The following ASB5 variants were observed in gnomAD, a reference collection of about 807,000 sequenced individuals.
ASB5 encodes the protein ankyrin repeat and SOCS box protein 5.
Under a neutral mutation model 42.1 loss-of-function variants are expected in ASB5, and 45 were observed. That is an observed-to-expected ratio of 1.07 (90% CI 0.84 to 1.37). ASB5 has a LOEUF of 1.37. ASB5 is among the 40% of genes most tolerant of loss of function. The pLI, the probability that ASB5 is intolerant of heterozygous loss-of-function variation, is 0.00. For synonymous variants in ASB5, 147 were observed against 150.6 expected, an observed-to-expected ratio of 0.98 and a Z score of 0.18; for missense variants, 402 against 399.8, an observed-to-expected ratio of 1.01 and a Z score of -0.05.
chr4:176,266,446 A>C (rs908828348), intron 1 of ASB5, among the ~76,000 whole-genome samples: 1 of 152,132 alleles, frequency 6.6e-6, no homozygotes, highest in Non-Finnish European at 1.5e-5. Context: ...CTAATTAGTG[A>C]CTTATAAAGA....
rs188208124 is a variant in ASB5 at position 176,252,873 on chromosome 4, C to A, written c.196+16040G>T. Among the ~76,000 whole-genome samples the A allele has an allele frequency of 6.6e-5, 10 of 152,278 alleles. No homozygotes were observed. In the East Asian group the frequency reaches 1.9e-3, roughly 29 times the overall value. On this transcript the variant is annotated intron_variant, in intron 1 of 6. Transcript: ENST00000296525. ...AGCAAATGCCTCTGCAGTTTAAAGC[C>A]TTTTTTCTTCTCTACAAAGGAAGCA...
intron 1 of ASB5, among the ~76,000 whole-genome samples, chr4:176,266,999 T>C (rs1754370053): frequency 1.3e-5 from 2 of 152,090 alleles, no homozygotes; most frequent in Non-Finnish European, 2.9e-5. Flanking sequence ...TATTTGAAAA[T>C]ATGTACAAAA....
In ASB5 at chr4:176,216,444, G is replaced by A. The variant is rs1223103393; in HGVS notation, c.862+374C>T. On this transcript the variant is annotated intron_variant, in intron 6 of 6. Coordinates refer to ENST00000296525, the MANE Select transcript of ASB5 (RefSeq NM_080874.4). ...TGGCTCACTGCAACCTCCGCCTCCCGGGTTCAAGTGATTCTCCTTCCGCAG... is the reference window on the plus strand; with the variant it reads ...TGGCTCACTGCAACCTCCGCCTCCCAGGTTCAAGTGATTCTCCTTCCGCAG... Among the ~76,000 whole-genome samples the A allele has an allele frequency of 3.9e-5, 6 of 152,096 alleles. No individual in the cohort carries two copies. The East Asian group carries it at 5.8e-4, about 15-fold the overall frequency.
intron 1 of ASB5, among the ~76,000 whole-genome samples, chr4:176,229,248 A>T (rs1753459952): frequency 6.6e-6 from 1 of 152,186 alleles, no homozygotes; most frequent in South Asian, 2.1e-4. Context: ...GTCACTAGTT[A>T]ACAGGAAAAT....
intron 1 of ASB5, among the ~76,000 whole-genome samples, chr4:176,246,011 C>T (rs919020642): frequency 6.6e-6 from 1 of 150,860 alleles, no homozygotes; most frequent in Non-Finnish European, 1.5e-5. Flanking sequence ...CAAACCTGCA[C>T]GTTGTGCACA....
intron 1 of ASB5, among the ~76,000 whole-genome samples, chr4:176,241,132 A>G (rs1375758942): frequency 1.3e-5 from 2 of 152,194 alleles, no homozygotes; most frequent in African/African-American, 4.8e-5. Context: ...AGTATTCTTT[A>G]TAATTATAAC....
At chr4:176,227,246 A>T (rs1159066989) in intron 1 of ASB5, among the ~76,000 whole-genome samples, 1 of 152,254 alleles carries the variant, frequency 6.6e-6, no homozygotes, top group Non-Finnish European at 1.5e-5. Flanking sequence ...CAGATAGTAT[A>T]CATTGTGCTT....
chr4:176,227,620 C>T lies in ASB5; in HGVS notation c.197-2279G>A, dbSNP rs1426711878. 5.3e-5 allele frequency among the ~76,000 whole-genome samples: 8 copies of T among 152,236 alleles called. No individual in the cohort carries two copies. The East Asian group carries it at 1.5e-3, about 29-fold the overall frequency. On this transcript the variant is annotated intron_variant, in intron 1 of 6. Transcript: ENST00000296525. ...TCACCCTGATCCTTTGAGGTTGGCGCTATTATTATCTCTGTTTTCCAGGTG... is the reference window on the plus strand; with the variant it reads ...TCACCCTGATCCTTTGAGGTTGGCGTTATTATTATCTCTGTTTTCCAGGTG...
intron 1 of ASB5, 109 bp from the exon 2 acceptor site, chr4:176,225,450 G>A: frequency 2.2e-6 from 2 of 905,408 alleles, no homozygotes; most frequent in East Asian, 2.6e-5. Flanking sequence ...CACACTCAGT[G>A]TTCAACAGGG....
chr4:176,250,064 CAAAAAAAAAAA>C (rs5864368), intron 1 of ASB5, among the ~76,000 whole-genome samples: 1 of 126,786 alleles, frequency 7.9e-6, no homozygotes, highest in Admixed American at 7.8e-5. Flanking sequence ...GACTCCATCT[CAAAAAAAAAAA>C]AAAAAAGAAA....
upstream of ASB5, among the ~76,000 whole-genome samples, chr4:176,271,221 CCT>C (rs1754463321): frequency 6.6e-6 from 1 of 152,030 alleles, no homozygotes; most frequent in Non-Finnish European, 1.5e-5. Flanking sequence ...CAAATTTCAC[CCT>C]CTCTGAGTCT....
chr4:176,271,788 T>C (rs982275293), upstream of ASB5, among the ~76,000 whole-genome samples: 2 of 152,260 alleles, frequency 1.3e-5, no homozygotes, highest in African/African-American at 4.8e-5. Context: ...CAGAGAGCTT[T>C]AGAGACCTAT....
intron 2 of ASB5, among the ~76,000 whole-genome samples, chr4:176,223,069 C>T (rs1276513859): frequency 6.6e-6 from 1 of 152,112 alleles, no homozygotes; most frequent in Non-Finnish European, 1.5e-5. Flanking sequence ...TGAGCCACCG[C>T]GCCCGGCCAA....
chr4:176,233,503 G>A (rs1291070832), intron 1 of ASB5, among the ~76,000 whole-genome samples: 1 of 151,950 alleles, frequency 6.6e-6, no homozygotes, highest in African/African-American at 2.4e-5. Flanking sequence ...TTCTCTATTG[G>A]TTTAAACAGT....
At chr4:176,218,301 T>C (rs375335267) in intron 5 of ASB5, among the ~76,000 whole-genome samples, 26 of 74,022 alleles carry the variant, frequency 3.5e-4, no homozygotes, top group African/African-American at 7.0e-4. Context: ...TTGTATGATA[T>C]ATAAATATAT....
chr4:176,254,593 C>T (rs1246797105), intron 1 of ASB5, among the ~76,000 whole-genome samples: 2 of 149,826 alleles, frequency 1.3e-5, no homozygotes, highest in African/African-American at 2.4e-5. Flanking sequence ...GCAGAAGAAA[C>T]TATTAACGGA....
chr4:176,268,933 T>C lies in ASB5; in HGVS notation c.176A>G (p.Tyr59Cys). 6.2e-7 allele frequency: 1 copy of C among 1,612,328 alleles called. No individual in the cohort carries two copies. The highest frequency in any genetic ancestry group is 8.5e-7 in the Non-Finnish European group (1 of 1,179,194). ...KEAARIAAEF[Y>C]GVTQGQGSWA... ...CATACCTTGTCCTTGGGTTACTCCA[T>C]AAAATTCAGCTGCTATCCTTGCCGC... The change falls in exon 1 of 7, where the codon TAT becomes TGT. Residue 59 changes from tyrosine to cysteine, a missense_variant. Tyr to Cys is a radical substitution (Grantham distance 194). Coordinates refer to ENST00000296525, the MANE Select transcript of ASB5 (RefSeq NM_080874.4).
chr4:176,246,322 A>G (rs1753911402), intron 1 of ASB5, among the ~76,000 whole-genome samples: 1 of 152,238 alleles, frequency 6.6e-6, no homozygotes, highest in Non-Finnish European at 1.5e-5. Context: ...GCAATCTTCT[A>G]TAAAGTCTTT....
At chr4:176,231,271 T>G (rs6553938) in intron 1 of ASB5, among the ~76,000 whole-genome samples, 75,352 of 151,522 alleles carry the variant, frequency 0.5, 19,210 homozygotes, top group East Asian at 0.7. Flanking sequence ...TCACTTGTCA[T>G]TTGCCAGTTC....
Sources: allele counts gnomAD v4.1 joint callset (sites outside exome capture counted in the v4.1 genomes callset), GRCh38; gene constraint gnomAD v4.1.1; transcripts MANE v1.5; gene names NCBI Gene and HGNC (gene_info 2026-07-23, HGNC 2026-07-21).